Variants in CDK12 observed in about 807,000 individuals in gnomAD.
CDK12 encodes the protein cyclin dependent kinase 12.
Under a neutral mutation model 133.8 loss-of-function variants are expected in CDK12, and 17 were observed. The observed-to-expected ratio is 0.13, with a 90% confidence interval of 0.09 to 0.19. The LOEUF is 0.19. CDK12 is among the 10% of genes least tolerant of loss of function. The pLI is 1.00. For missense variants in CDK12, 1,508 were observed against 1,818.7 expected (o/e 0.83, Z 3.11); for synonymous variants, 694 against 683.6 (o/e 1.02, Z -0.24).
intron 13 of CDK12, among the ~76,000 whole-genome samples, chr17:39,526,650 C>T (rs939544266): frequency 3.9e-5 from 6 of 152,210 alleles, no homozygotes; most frequent in African/African-American, 1.4e-4. Flanking sequence ...TGGTGGCCAA[C>T]TAGTCCTAGC....
At chr17:39,505,136 G>A (rs2053015523) in intron 6 of CDK12, among the ~76,000 whole-genome samples, 1 of 151,182 alleles carries the variant, frequency 6.6e-6, no homozygotes, top group African/African-American at 2.4e-5. Flanking sequence ...GGCTGAGGCA[G>A]CGGAATCACT....
chr17:39,464,989 T>G (rs1361065709), intron 1 of CDK12, among the ~76,000 whole-genome samples: 1 of 151,554 alleles, frequency 6.6e-6, no homozygotes, highest in Non-Finnish European at 1.5e-5. Flanking sequence ...GGCTCACACC[T>G]GTAATCTCAG....
rs544058772 is a variant in CDK12 at position 39,474,894 on chromosome 17, C to T, written c.1931+3131C>T. On this transcript the variant is annotated intron_variant, in intron 2 of 13. Coordinates refer to ENST00000447079, the MANE Select transcript of CDK12 (RefSeq NM_016507.4). ...TGTTGCCCAGGCTGGAGTGCAATGG[C>T]GCGATCTCAGCTCACTGCAGCCTCT... is the stretch of plus-strand genomic sequence containing the variant. Among the ~76,000 whole-genome samples the T allele has an allele frequency of 3.4e-4, 49 of 145,930 alleles. 1 individual carries two copies. The South Asian group carries it at 9.2e-3, about 27-fold the overall frequency.
chr17:39,489,065 A>T (rs937914542), intron 2 of CDK12, among the ~76,000 whole-genome samples: 1 of 140,452 alleles, frequency 7.1e-6, no homozygotes, highest in Non-Finnish European at 1.5e-5. Flanking sequence ...GAATTACACC[A>T]CCACACCCAG....
At chr17:39,525,823 C>G (rs960334004) in intron 12 of CDK12, 41 bp from the exon 13 acceptor site, 1 of 1,529,354 alleles carries the variant, frequency 6.5e-7, no homozygotes, top group Middle Eastern at 1.7e-4. Context: ...GGCCCTTGGC[C>G]TATCTCATCG....
intron 1 of CDK12, among the ~76,000 whole-genome samples, chr17:39,467,154 T>G: frequency 6.6e-6 from 1 of 151,920 alleles, no homozygotes; most frequent in Non-Finnish European, 1.5e-5. Flanking sequence ...AATTTTTGTA[T>G]TTTTAGTAGA....
rs962238544 is a variant in CDK12, at chr17:39,560,362, A to G, written n.484+3949A>G. Among the ~76,000 whole-genome samples the G allele has an allele frequency of 3.9e-5, 6 of 152,222 alleles. No individual in the cohort carries two copies. In the East Asian group the frequency reaches 7.7e-4, roughly 19 times the overall value. On this transcript the variant is annotated intron_variant and non_coding_transcript_variant, in intron 3 of 3. Transcript: ENST00000558240. ...TTCTCTCACTTTGTACTCATTAGCA[A>G]TGAATGAAATAGCTCATTTCACTTG...
downstream of CDK12, among the ~76,000 whole-genome samples, chr17:39,537,743 T>C (rs934835846): frequency 3.3e-5 from 5 of 151,924 alleles, no homozygotes; most frequent in South Asian, 4.1e-4. Context: ...TTTGTATTTT[T>C]AGTAGTGACA....
intron 1 of CDK12, among the ~76,000 whole-genome samples, chr17:39,466,726 A>G (rs1192118073): frequency 6.7e-6 from 1 of 149,704 alleles, no homozygotes; most frequent in Non-Finnish European, 1.5e-5. Flanking sequence ...TTGGAGACAC[A>G]ATATGGTAGC....
At position 39,471,183 on chromosome 17, in the gene CDK12, G is replaced by A. The variant is rs527461261; in HGVS notation, c.1351G>A (p.Val451Ile). The change falls in exon 2 of 14, where the codon GTA becomes ATA. Residue 451 changes from valine to isoleucine, a missense_variant. Val to Ile is a conservative substitution (Grantham distance 29). This residue lies in a region of CDK12 where 347 missense variants were observed against 330.8 expected (regional missense o/e 1.05). Transcript: ENST00000447079. ...GGAGTCTAAAAAGTTACCCAGAAGT[G>A]TAAAATTGGAAAAATCTGCCCCAGA... ...GLESKKLPRS[V>I]KLEKSAPDTE... is the part of the protein sequence containing the mutation. 7 of 1,580,510 alleles carry A rather than the reference G, an allele frequency of 4.4e-6. No homozygotes were observed. The Admixed American group carries it at 1.3e-4, about 30-fold the overall frequency.
Position 39,501,446 on chromosome 17 carries a change from T to C in CDK12, c.2609+7T>C. 6.3e-7 allele frequency: 1 copy of C among 1,593,066 alleles called. No homozygotes were observed. The highest frequency in any genetic ancestry group is 8.6e-7 in the Non-Finnish European group (1 of 1,167,000). ...ACATTTTGCTGAATAACAGGTAACA[T>C]AGTAACCAAATAAGATTAAGCACTT... On this transcript the variant is annotated splice_region_variant and intron_variant, in intron 6 of 13. Transcript: ENST00000447079.
intron 4 of CDK12, 47 bp downstream of exon 4, chr17:39,492,937 G>A (rs958983137): frequency 1.3e-6 from 2 of 1,482,920 alleles, no homozygotes; most frequent in South Asian, 1.2e-5. Context: ...TAACAATTTA[G>A]CAATACTAAT....
intron 2 of CDK12, among the ~76,000 whole-genome samples, chr17:39,483,539 C>T (rs2050885947): frequency 6.6e-6 from 1 of 152,060 alleles, no homozygotes; most frequent in Non-Finnish European, 1.5e-5. Context: ...GCTAGGATTA[C>T]AGGCATGAGC....
chr17:39,492,078 G>C (rs1011080782), intron 3 of CDK12, among the ~76,000 whole-genome samples: 1 of 145,484 alleles, frequency 6.9e-6, no homozygotes, highest in African/African-American at 2.5e-5. Context: ...TTTTTTCTTT[G>C]ACTCGATTTC....
At chr17:39,541,826 C>A (rs1020180820) in intron 1 of CDK12, among the ~76,000 whole-genome samples, 7 of 152,170 alleles carry the variant, frequency 4.6e-5, no homozygotes, top group Non-Finnish European at 1.5e-5. Context: ...CACGTCTTCT[C>A]CCTTAGGGAA....
At chr17:39,478,042 T>G (rs2050357209) in intron 2 of CDK12, among the ~76,000 whole-genome samples, 1 of 151,042 alleles carries the variant, frequency 6.6e-6, no homozygotes. Flanking sequence ...TTTTTTTTTT[T>G]AGCCATCTCC....
chr17:39,530,299 G>A, intron 13 of CDK12: 1 of 261,404 alleles, frequency 3.8e-6, no homozygotes. Flanking sequence ...CAGGGAGTCT[G>A]CCAACAGCCT....
chr17:39,548,497 CTT>C (rs2055819709), upstream of CDK12, among the ~76,000 whole-genome samples: 1 of 152,202 alleles, frequency 6.6e-6, no homozygotes, highest in Admixed American at 6.5e-5. Flanking sequence ...GAAAAAATCT[CTT>C]ATAATTGTTC....
intron 2 of CDK12, among the ~76,000 whole-genome samples, chr17:39,554,495 C>T (rs1485062056): frequency 6.6e-6 from 1 of 152,156 alleles, no homozygotes; most frequent in African/African-American, 2.4e-5. Flanking sequence ...TTTGAGGTCA[C>T]ACCAGGAGAA....
Sources: allele counts gnomAD v4.1 joint callset (sites outside exome capture counted in the v4.1 genomes callset), GRCh38; gene constraint gnomAD v4.1.1; regional missense constraint gnomAD v4.1.1; transcripts MANE v1.5; gene names NCBI Gene and HGNC (gene_info 2026-07-23, HGNC 2026-07-21).